PI4KA: variants seen among roughly 807,000 people sequenced by gnomAD.
PI4KA encodes the protein PI4-kinase alpha.
PI4KA carries 122 observed loss-of-function variants against 271.4 expected under a neutral mutation model. That is an observed-to-expected ratio of 0.45 (90% CI 0.39 to 0.52). The LOEUF (loss-of-function observed/expected upper bound fraction) is 0.52, where lower values mean the gene tolerates loss of function less well. Among genes scored for constraint, PI4KA ranks in the 20% least tolerant of loss-of-function variants. The pLI, the probability that PI4KA is intolerant of heterozygous loss-of-function variation, is 0.00. For missense variants in PI4KA, 1,969 were observed against 2,769.1 expected (o/e 0.71, Z 6.48); for synonymous variants, 1,041 against 1,078.8 (o/e 0.96, Z 0.69).
chr22:20,743,385 C>G (rs1929687214), intron 30 of PI4KA, among the ~76,000 whole-genome samples: 1 of 152,130 alleles, frequency 6.6e-6, no homozygotes, highest in Admixed American at 6.5e-5. Context: ...CTCAAATAAT[C>G]CGCCCACCTT....
At chr22:20,727,973 A>G in intron 39 of PI4KA, 109 bp from the exon 40 acceptor site, 1 of 698,074 alleles carries the variant, frequency 1.4e-6, no homozygotes, top group Non-Finnish European at 2.4e-6. Flanking sequence ...GGAGGGATTC[A>G]CATCAATACC....
intron 39 of PI4KA, 118 bp from the exon 40 acceptor site, chr22:20,727,982 C>T (rs1170819931): frequency 7.7e-6 from 5 of 646,164 alleles, no homozygotes; most frequent in Non-Finnish European, 1.3e-5. Context: ...CACATCAATA[C>T]CAAGTGACGG....
At chr22:20,828,270 T>A (rs1282620919) in intron 3 of PI4KA, among the ~76,000 whole-genome samples, 2 of 152,150 alleles carry the variant, frequency 1.3e-5, no homozygotes, top group African/African-American at 4.8e-5. Context: ...ACTATAGGGT[T>A]TTCTAGGTAT....
At position 20,733,673 on chromosome 22, in the gene PI4KA, G is replaced by A. The variant is rs1601359597; in HGVS notation, c.4160+63C>T. The A allele has an allele frequency of 4.3e-6, 7 of 1,613,236 alleles. 1 individual carries two copies. The highest frequency in any genetic ancestry group is 2.2e-5 in the South Asian group (2 of 90,896). ...GAGTGACTTCCTGGGGGTTTGGGGC[G>A]ATGGAGCACTTGGAGGGGCTGCGCC... is the stretch of plus-strand genomic sequence containing the variant. On this transcript the variant is annotated intron_variant, in intron 35 of 54. Coordinates refer to ENST00000255882, the MANE Select transcript of PI4KA (RefSeq NM_058004.4).
At chr22:20,769,228 G>A (rs967642157) in intron 19 of PI4KA, among the ~76,000 whole-genome samples, 154 of 152,310 alleles carry the variant, frequency 1.0e-3, no homozygotes, top group Non-Finnish European at 3.1e-4. Context: ...TCCTGACCCT[G>A]TGAACTTCTT....
chr22:20,729,178 G>A (rs1407430780), intron 39 of PI4KA, 135 bp downstream of exon 39: 2 of 717,538 alleles, frequency 2.8e-6, no homozygotes, highest in Non-Finnish European at 4.5e-6. Context: ...CCTGGGGCTC[G>A]AGGACTAGAC....
Position 20,747,696 on chromosome 22 carries a change from G to C in PI4KA, c.3250C>G (p.Leu1084Val). The change falls in exon 29 of 55, where the codon CTG becomes GTG. Residue 1084 changes from leucine (L) to valine (V), a missense_variant. Coordinates refer to ENST00000255882, the MANE Select transcript of PI4KA (RefSeq NM_058004.4). ...TVTKSHLQEY[L>V]NKHQNWVSGL... is the part of the protein sequence containing the mutation. ...GATACCCAGTTCTGATGTTTGTTCA[G>C]ATATTCCTGAAATAGGAAAAACACA... 1 of 1,612,908 alleles carries C rather than the reference G, an allele frequency of 6.2e-7. No homozygotes were observed. The highest frequency in any genetic ancestry group is 8.5e-7 in the Non-Finnish European group (1 of 1,179,080).
At chr22:20,768,017 G>A (rs1183572395) in intron 19 of PI4KA, among the ~76,000 whole-genome samples, 3 of 150,644 alleles carry the variant, frequency 2.0e-5, no homozygotes, top group Non-Finnish European at 3.0e-5. Flanking sequence ...AAACTTTAAT[G>A]TCAAAAATGC....
At position 20,751,517 on chromosome 22, in the gene PI4KA, G is replaced by A. The variant is rs576821203; in HGVS notation, c.3070-141C>T. ...TGCAACTTATTGCAAAACACCAGGT[G>A]GATTTGGGCCCCCTCACCCCCAACT... On this transcript the variant is annotated intron_variant, in intron 26 of 54. Transcript: ENST00000255882. The A allele has an allele frequency of 2.9e-5, 27 of 929,452 alleles. No homozygotes were observed. In the African/African-American group the frequency reaches 2.9e-4, roughly 10 times the overall value. The allele number at this position is 929,452 out of a possible 1,614,324, so 57.6% of individuals were successfully genotyped here.
Position 20,729,486 on chromosome 22 carries a change from G to A in PI4KA, c.4509C>T (p.Leu1503=), listed in dbSNP as rs747630721. 1.2e-6 allele frequency: 2 copies of A among 1,601,934 alleles called. No homozygotes were observed. Among genetic ancestry groups the A allele is most frequent in the South Asian group, 1.1e-5 (1 of 89,386 alleles). Residue 1503 remains leucine (L), a synonymous_variant, in exon 39 of 55, where the codon CTC becomes CTT. Transcript: ENST00000255882. ...CTGACAGCGGGTTGTACCATGTGATGAGACGCTCGATCTCAGTGGCCTGGC... is the reference window on the plus strand; with the variant it reads ...CTGACAGCGGGTTGTACCATGTGATAAGACGCTCGATCTCAGTGGCCTGGC... ...LSLLATEIER[L]ITWYNPLSAP...
At chr22:20,729,792 C>T in intron 37 of PI4KA, 81 bp from the exon 38 acceptor site, 2 of 1,580,834 alleles carry the variant, frequency 1.3e-6, no homozygotes, top group Non-Finnish European at 1.7e-6. Context: ...AGGAAGCTTG[C>T]AGTGCTCTGT....
intron 1 of PI4KA, among the ~76,000 whole-genome samples, chr22:20,851,612 A>G (rs909224067): frequency 2.6e-5 from 4 of 152,214 alleles, no homozygotes; most frequent in Admixed American, 1.3e-4. Context: ...TGCTGGGATT[A>G]CAGGCGTGAG....
chr22:20,710,373 G>T (rs1245361879), intron 52 of PI4KA: 1 of 534,710 alleles, frequency 1.9e-6, no homozygotes, highest in Non-Finnish European at 3.4e-6. Flanking sequence ...ATGAAACTGG[G>T]ACAAAGCCCA....
intron 20 of PI4KA, 52 bp from the exon 21 acceptor site, chr22:20,765,288 CAGTGAGGTTGACTGACAATTTCTAT>C: frequency 6.5e-7 from 1 of 1,535,540 alleles, no homozygotes; most frequent in South Asian, 1.2e-5. Flanking sequence ...GAAAGCACTG[CAGTGAGGTTGACTGACAATTTCTAT>C]AGTCATGGGT....
chr22:20,794,565 C>T (rs1934866253), intron 18 of PI4KA, among the ~76,000 whole-genome samples: 1 of 152,150 alleles, frequency 6.6e-6, no homozygotes. Context: ...TCTTAGGATC[C>T]CTGCTTGCAT....
chr22:20,739,228 C>A (rs1347662523), intron 32 of PI4KA, among the ~76,000 whole-genome samples: 1 of 151,554 alleles, frequency 6.6e-6, no homozygotes, highest in Admixed American at 6.6e-5. Flanking sequence ...CGCCTGTAGT[C>A]TCAGCTACTC....
intron 23 of PI4KA, among the ~76,000 whole-genome samples, chr22:20,756,243 C>T (rs543954444): frequency 2.9e-4 from 43 of 149,010 alleles, no homozygotes; most frequent in African/African-American, 8.9e-4. Context: ...GACAGAGTTT[C>T]GCTCATCGCC....
rs564265254 is a variant in PI4KA, at chr22:20,728,626, C to T, written c.4682+687G>A. On this transcript the variant is annotated intron_variant, in intron 39 of 54. Transcript: ENST00000255882. The stretch of plus-strand genomic sequence containing the variant: ...GTTCCCACCTCAGGCTAATGCAAGG[C>T]GGATGTCCCATGAGCACTGTGCTTT... 3.9e-5 allele frequency among the ~76,000 whole-genome samples: 6 copies of T among 152,310 alleles called. No individual in the cohort carries two copies. The East Asian group carries it at 9.6e-4, about 24-fold the overall frequency.
chr22:20,747,929 G>T (rs1930288751), intron 28 of PI4KA, among the ~76,000 whole-genome samples: 1 of 151,924 alleles, frequency 6.6e-6, no homozygotes, highest in Non-Finnish European at 1.5e-5. Context: ...TAGAGATGGT[G>T]TCTCACTATA....
Sources: gnomAD v4.1 joint callset for allele counts (sites outside exome capture counted in the v4.1 genomes callset) on GRCh38, gnomAD v4.1.1 for gene constraint, MANE v1.5 for transcripts, NCBI Gene and HGNC (gene_info 2026-07-23, HGNC 2026-07-21) for gene names.